Variants in CHST11 observed in about 807,000 individuals in gnomAD.
The protein encoded by CHST11 is carbohydrate sulfotransferase 11.
A neutral mutation model predicts 30.4 loss-of-function variants in CHST11; 9 were observed. That is an observed-to-expected ratio of 0.30 (90% confidence interval 0.18 to 0.52). CHST11 has a LOEUF of 0.52. Among genes scored for constraint, CHST11 ranks in the 20% least tolerant of loss-of-function variants. The probability of loss-of-function intolerance (pLI) is 0.97; values close to 1 mark genes in which losing one functional copy is unlikely to be tolerated. For missense variants in CHST11, 348 were observed against 460.6 expected, an observed-to-expected ratio of 0.76 and a Z score of 2.24; for synonymous variants, 152 against 187.8, an observed-to-expected ratio of 0.81 and a Z score of 1.56.
chr12:104,748,499 CT>C (rs1161249530), intron 2 of CHST11, among the ~76,000 whole-genome samples: 1 of 150,804 alleles, frequency 6.6e-6, no homozygotes, highest in Non-Finnish European at 1.5e-5. Flanking sequence ...GACTGGTGTC[CT>C]TATTAGAGGC....
At chr12:104,666,509 G>C (rs1318287422) in intron 2 of CHST11, among the ~76,000 whole-genome samples, 1 of 152,172 alleles carries the variant, frequency 6.6e-6, no homozygotes, top group African/African-American at 2.4e-5. Flanking sequence ...TTGGGACTCT[G>C]TGTTTTTGCA....
intron 1 of CHST11, among the ~76,000 whole-genome samples, chr12:104,576,851 A>G (rs1304303123): frequency 6.6e-6 from 1 of 152,130 alleles, no homozygotes; most frequent in Non-Finnish European, 1.5e-5. Flanking sequence ...GCTGAGGGAC[A>G]TTCACGTTCC....
At chr12:104,727,462 G>A (rs956917219) in intron 2 of CHST11, among the ~76,000 whole-genome samples, 1 of 152,240 alleles carries the variant, frequency 6.6e-6, no homozygotes, top group African/African-American at 2.4e-5. Context: ...CAGCAGGAAG[G>A]CTGATGGGAG....
At chr12:104,553,263 A>G (rs1023120028) in intron 1 of CHST11, 1 of 152,278 alleles carries the variant, frequency 6.6e-6, no homozygotes, top group African/African-American at 2.4e-5. Flanking sequence ...GGTTATGGTG[A>G]TAGTTGCAGG....
At chr12:104,673,794 C>G (rs1175498559) in intron 2 of CHST11, among the ~76,000 whole-genome samples, 1 of 152,230 alleles carries the variant, frequency 6.6e-6, no homozygotes, top group African/African-American at 2.4e-5. Context: ...CTTAACCTCT[C>G]TGAGTCTGGC....
At chr12:104,569,674 A>T (rs572456525) in intron 1 of CHST11, among the ~76,000 whole-genome samples, 2 of 152,260 alleles carry the variant, frequency 1.3e-5, no homozygotes, top group Admixed American at 6.5e-5. Flanking sequence ...ATTCTAGGGG[A>T]TGCCTCCAGG....
chr12:104,755,537 G>A (rs1450758592), intron 2 of CHST11, among the ~76,000 whole-genome samples: 2 of 152,146 alleles, frequency 1.3e-5, no homozygotes, highest in Non-Finnish European at 2.9e-5. Context: ...TGCAGTCTCA[G>A]CACTTTGGGA....
At chr12:104,574,281 A>G (rs1428131778) in intron 1 of CHST11, among the ~76,000 whole-genome samples, 1 of 152,192 alleles carries the variant, frequency 6.6e-6, no homozygotes, top group Non-Finnish European at 1.5e-5. Flanking sequence ...AACTAGTTCA[A>G]CCATTGTGGA....
chr12:104,481,792 C>T (rs1170372293), intron 1 of CHST11, among the ~76,000 whole-genome samples: 1 of 148,916 alleles, frequency 6.7e-6, no homozygotes, highest in Non-Finnish European at 1.5e-5. Flanking sequence ...TCCTTCCTTC[C>T]TTCCTTCCTT....
At chr12:104,558,028 G>C (rs2038474425) in intron 1 of CHST11, among the ~76,000 whole-genome samples, 1 of 152,034 alleles carries the variant, frequency 6.6e-6, no homozygotes, top group Non-Finnish European at 1.5e-5. Context: ...GACCAGCTCT[G>C]CTGTGCGGAG....
intron 2 of CHST11, among the ~76,000 whole-genome samples, chr12:104,736,906 C>A (rs892478653): frequency 2.0e-5 from 3 of 152,216 alleles, no homozygotes; most frequent in African/African-American, 7.2e-5. Flanking sequence ...CATAAAGCAT[C>A]TTCATTGTGA....
At chr12:104,744,750 G>T (rs2040375948) in intron 2 of CHST11, among the ~76,000 whole-genome samples, 1 of 152,190 alleles carries the variant, frequency 6.6e-6, no homozygotes, top group Non-Finnish European at 1.5e-5. Flanking sequence ...TCACATACAA[G>T]TCTTTAATCC....
At chr12:104,568,151 A>G (rs1024369372) in intron 1 of CHST11, among the ~76,000 whole-genome samples, 8 of 152,150 alleles carry the variant, frequency 5.3e-5, no homozygotes, top group East Asian at 1.9e-4. Flanking sequence ...GCTGGGTCCC[A>G]TGATCAGGGC....
intron 1 of CHST11, among the ~76,000 whole-genome samples, chr12:104,462,027 C>A (rs541513391): frequency 6.6e-6 from 1 of 151,302 alleles, no homozygotes; most frequent in Non-Finnish European, 1.5e-5. Flanking sequence ...ATTAGCCGGG[C>A]GTGGTGGTGC....
At chr12:104,571,197 C>G (rs981215477) in intron 1 of CHST11, among the ~76,000 whole-genome samples, 8 of 142,292 alleles carry the variant, frequency 5.6e-5, no homozygotes, top group African/African-American at 1.8e-4. Context: ...GAGTTTTGCT[C>G]TTATTGCCCA....
At chr12:104,716,694 G>T (rs911980709) in intron 2 of CHST11, among the ~76,000 whole-genome samples, 1 of 152,220 alleles carries the variant, frequency 6.6e-6, no homozygotes, top group Non-Finnish European at 1.5e-5. Flanking sequence ...CAACGTGCCT[G>T]GGGGAGGCAG....
chr12:104,664,710 G>T (rs2039627699), intron 2 of CHST11, among the ~76,000 whole-genome samples: 1 of 152,124 alleles, frequency 6.6e-6, no homozygotes, highest in South Asian at 2.1e-4. Context: ...TCTTTTTATG[G>T]TGCCATTTTG....
intron 1 of CHST11, among the ~76,000 whole-genome samples, chr12:104,530,836 G>T (rs530384699): frequency 1.4e-4 from 22 of 152,268 alleles, no homozygotes; most frequent in Non-Finnish European, 1.9e-4. Context: ...GTTTCTTTTG[G>T]TTCAGAAGCA....
intron 2 of CHST11, among the ~76,000 whole-genome samples, chr12:104,667,706 A>G (rs1437984706): frequency 6.6e-6 from 1 of 152,172 alleles, no homozygotes; most frequent in Non-Finnish European, 1.5e-5. Flanking sequence ...TCATCGGTAA[A>G]GCAAGCAAGT....
Sources: allele counts gnomAD v4.1 joint callset (sites outside exome capture counted in the v4.1 genomes callset), GRCh38; gene constraint gnomAD v4.1.1; transcripts MANE v1.5; gene names NCBI Gene and HGNC (gene_info 2026-07-23, HGNC 2026-07-21).